The following ILDR2 variants were observed in gnomAD, a reference collection of about 807,000 sequenced individuals.
The protein encoded by ILDR2 is immunoglobulin-like domain-containing receptor 2.
Under a neutral mutation model 66.8 loss-of-function variants are expected in ILDR2, and 25 were observed. The observed-to-expected ratio is 0.37, with a 90% CI of 0.27 to 0.52. ILDR2 has a LOEUF of 0.52. Ranked by LOEUF, ILDR2 falls within the 20% of genes least tolerant of loss-of-function variation. The pLI is 0.88. For missense variants in ILDR2, 827 were observed against 876.8 expected (o/e 0.94, Z 0.72); for synonymous variants, 367 against 357.2 (o/e 1.03, Z -0.31).
rs1209525362 is a variant in ILDR2, at chr1:166,910,229, A to C, written c.*9126T>G. 6.6e-6 allele frequency: 1 copy of C among 152,138 alleles called. No homozygotes were observed. Among genetic ancestry groups the C allele is most frequent in the East Asian group, 1.9e-4 (1 of 5,176 alleles). 9.4% of individuals were successfully genotyped at this position (152,138 alleles called of 1,614,324 possible). ...AAAAGCACACTTTAAAATAGCTTTA[A>C]ATCACAAAAGGCATGCACCTAAATC... On this transcript the variant is annotated 3_prime_UTR_variant, in exon 10 of 10. Coordinates refer to ENST00000271417, the MANE Select transcript of ILDR2 (RefSeq NM_199351.3).
At chr1:166,945,569 A>G (rs1410078439) in intron 3 of ILDR2, among the ~76,000 whole-genome samples, 7 of 152,356 alleles carry the variant, frequency 4.6e-5, no homozygotes, top group East Asian at 1.9e-4. Context: ...TCAGCCAAAA[A>G]GACTGTTTTG....
At position 166,916,974 on chromosome 1, in the gene ILDR2, C is replaced by T. The variant is rs558503839; in HGVS notation, c.*2381G>A. Reference sequence around the variant, plus strand: ...GCCTGACACAGTGCTCAGTATAAAGCGATAATAGCTACCACAGCTACCCAA... The same window carrying T: ...GCCTGACACAGTGCTCAGTATAAAGTGATAATAGCTACCACAGCTACCCAA... On this transcript the variant is annotated 3_prime_UTR_variant, in exon 10 of 10. Coordinates refer to ENST00000271417, the MANE Select transcript of ILDR2 (RefSeq NM_199351.3). The T allele has an allele frequency of 3.6e-4, 55 of 152,298 alleles. No individual in the cohort carries two copies. The highest frequency in any genetic ancestry group is 1.2e-3 in the African/African-American group (50 of 41,556). The allele number at this position is 152,298 out of a possible 1,614,324, so 9.4% of individuals were successfully genotyped here.
intron 6 of ILDR2, among the ~76,000 whole-genome samples, chr1:166,930,563 A>T (rs1360451682): frequency 6.6e-6 from 1 of 152,188 alleles, no homozygotes; most frequent in Non-Finnish European, 1.5e-5. Context: ...AATATACTAA[A>T]CTATTCTCTG....
chr1:166,900,318 A>T (rs911917063), intron 2 of ILDR2, among the ~76,000 whole-genome samples: 1 of 151,912 alleles, frequency 6.6e-6, no homozygotes, highest in African/African-American at 2.4e-5. Context: ...GCCCTCTTCA[A>T]AAACCCTGAG....
At chr1:166,943,133 ATAG>A (rs1462422087) in intron 3 of ILDR2, among the ~76,000 whole-genome samples, 1 of 152,174 alleles carries the variant, frequency 6.6e-6, no homozygotes, top group African/African-American at 2.4e-5. Flanking sequence ...AATTCAAAAC[ATAG>A]TAGGAGTTTT....
intron 6 of ILDR2, among the ~76,000 whole-genome samples, chr1:166,931,856 G>A (rs1275914056): frequency 2.0e-5 from 3 of 152,208 alleles, no homozygotes; most frequent in Admixed American, 6.5e-5. Context: ...AAGCTGGTTC[G>A]AAGTGAAGAA....
In ILDR2 at chr1:166,921,023, T is replaced by C. The variant is rs768220953; in HGVS notation, c.1568A>G (p.Lys523Arg). ...GCTGCCCAGGTACGAGTGGTCGTAT[T>C]TGGGTGCGGTGCCTGGCGTGCGGCT... ...LVSRTPGTAP[K>R]YDHSYLGSAR... The change falls in exon 9 of 10, where the codon AAA (lysine) becomes AGA (arginine). Residue 523 changes from lysine to arginine, a missense_variant. Physicochemically the swap from Lys to Arg is conservative, Grantham distance 26. Transcript: ENST00000271417. The surrounding 1 kb of genome is among the most constrained non-coding windows in gnomAD (Gnocchi z 5.3). The C allele has an allele frequency of 6.6e-7, 1 of 1,515,124 alleles. No homozygotes were observed. 93.9% of individuals were successfully genotyped at this position (1,515,124 alleles called of 1,614,324 possible).
rs375699387 is a variant in ILDR2 at position 166,951,549 on chromosome 1, A to G, written c.499+5184T>C. ...ATACAGCAGTTACCTTTGGATAGTG[A>G]GATCTTTAGGAGATACTTTCTTTTG... On this transcript the variant is annotated intron_variant, in intron 3 of 9. Coordinates refer to ENST00000271417, the MANE Select transcript of ILDR2 (RefSeq NM_199351.3). 2.1e-4 allele frequency among the ~76,000 whole-genome samples: 32 copies of G among 152,320 alleles called. 1 individual carries two copies. In the South Asian group the frequency reaches 6.6e-3, roughly 32 times the overall value.
intron 3 of ILDR2, among the ~76,000 whole-genome samples, chr1:166,943,054 G>C (rs967286004): frequency 6.6e-5 from 10 of 152,190 alleles, no homozygotes; most frequent in African/African-American, 2.4e-4. Flanking sequence ...TAATGCACCT[G>C]TGTAGTGTTA....
At chr1:166,929,610 C>T (rs1318861547) in intron 6 of ILDR2, among the ~76,000 whole-genome samples, 1 of 152,150 alleles carries the variant, frequency 6.6e-6, no homozygotes, top group Non-Finnish European at 1.5e-5. Context: ...GTAGAGTTTT[C>T]CCCTCTAGAC....
intron 1 of ILDR2, among the ~76,000 whole-genome samples, chr1:166,974,554 G>C (rs933704744): frequency 1.3e-5 from 2 of 152,114 alleles, no homozygotes; most frequent in African/African-American, 4.8e-5. Flanking sequence ...TTAGGGAGCG[G>C]AGAGTGCACC....
chr1:166,936,824 G>T lies in ILDR2; in HGVS notation c.557-87C>A. 1 of 1,326,072 alleles carries T rather than the reference G, an allele frequency of 7.5e-7. No individual in the cohort carries two copies. Among genetic ancestry groups the T allele is most frequent in the Non-Finnish European group, 1.1e-6 (1 of 938,410 alleles). 82.1% of individuals were successfully genotyped at this position (1,326,072 alleles called of 1,614,324 possible). A position where few individuals can be genotyped will look rare whatever the true frequency, so the allele number is the denominator to read the frequency against. The stretch of plus-strand genomic sequence containing the variant: ...TTGATTGGCATCTCCCGGTGAAAGG[G>T]GGAGAGGAGGAGGGACCTAGGGAAG... On this transcript the variant is annotated intron_variant, in intron 4 of 9. Transcript: ENST00000271417. The surrounding 1 kb of genome is among the most constrained non-coding windows in gnomAD (Gnocchi z 5.0).
At chr1:166,932,624 C>G (rs1323812058) in intron 6 of ILDR2, among the ~76,000 whole-genome samples, 1 of 152,140 alleles carries the variant, frequency 6.6e-6, no homozygotes, top group Non-Finnish European at 1.5e-5. Context: ...AGTCTTCCTG[C>G]ATGGTAACAA....
chr1:166,948,661 T>A (rs974771547), intron 3 of ILDR2, among the ~76,000 whole-genome samples: 1 of 152,156 alleles, frequency 6.6e-6, no homozygotes, highest in Non-Finnish European at 1.5e-5. Context: ...ACAGTACAGA[T>A]GTCATTGAGA....
intron 7 of ILDR2, 133 bp downstream of exon 7, chr1:166,926,934 G>T: frequency 1.8e-6 from 1 of 562,678 alleles, no homozygotes; most frequent in Non-Finnish European, 3.1e-6. Context: ...ACTTTCTTCA[G>T]TAGTGTCACC....
chr1:166,958,956 T>C (rs1662446707), intron 1 of ILDR2, among the ~76,000 whole-genome samples: 1 of 152,194 alleles, frequency 6.6e-6, no homozygotes, highest in African/African-American at 2.4e-5. Flanking sequence ...GGCAAGGTAC[T>C]CCGTCATCTA....
chr1:166,935,270 C>T (rs770078078), intron 6 of ILDR2, 31 bp downstream of exon 6: 15 of 1,612,734 alleles, frequency 9.3e-6, no homozygotes, highest in Non-Finnish European at 1.3e-5. Flanking sequence ...CCGAGACAAG[C>T]ATGGGCAGGG....
chr1:166,947,235 G>C (rs1422010938), intron 3 of ILDR2, among the ~76,000 whole-genome samples: 2 of 152,194 alleles, frequency 1.3e-5, no homozygotes, highest in African/African-American at 4.8e-5. Context: ...GAGTTTCTTG[G>C]AGCCCAGTGT....
intron 8 of ILDR2, among the ~76,000 whole-genome samples, chr1:166,922,096 T>G (rs1208934874): frequency 6.6e-6 from 1 of 152,044 alleles, no homozygotes; most frequent in African/African-American, 2.4e-5. Context: ...TGTTTGGCAT[T>G]TTACCTTTCA....
Sources: gnomAD v4.1 joint callset for allele counts (sites outside exome capture counted in the v4.1 genomes callset) on GRCh38, gnomAD v4.1.1 for gene constraint, Gnocchi (gnomAD v3.1) non-coding constraint, MANE v1.5 for transcripts, NCBI Gene and HGNC (gene_info 2026-07-23, HGNC 2026-07-21) for gene names.